The following BCAR3 variants were observed in gnomAD, a reference collection of about 807,000 sequenced individuals.
The protein encoded by BCAR3 is breast cancer anti-estrogen resistance protein 3.
Under a neutral mutation model 80.1 loss-of-function variants are expected in BCAR3, and 37 were observed. The observed-to-expected ratio is 0.46, with a 90% confidence interval of 0.36 to 0.61. The LOEUF is 0.61. BCAR3 is among the 20% of genes least tolerant of loss of function. The pLI is 0.00. For missense variants in BCAR3, 978 were observed against 1,068.2 expected (o/e 0.92, Z 1.18); for synonymous variants, 389 against 418.9 (o/e 0.93, Z 0.87).
chr1:93,727,269 A>G (rs183075076), intron 2 of BCAR3, among the ~76,000 whole-genome samples: 2 of 152,296 alleles, frequency 1.3e-5, no homozygotes, highest in African/African-American at 4.8e-5. Flanking sequence ...AGGTCCCTGG[A>G]TTTAATGTGG....
chr1:93,592,568 C>A lies in BCAR3; in HGVS notation c.358-175G>T. On this transcript the variant is annotated intron_variant, in intron 3 of 11. Transcript: ENST00000260502. This position sits in a 1 kb window ranked among gnomAD's most constrained non-coding sequence, Gnocchi z 4.8. ...TGACCTTTCGTTTCTCCGGCCGCAA[C>A]CATGTAATAAAATTTTCACCTGCAC... 1.2e-6 allele frequency: 1 copy of A among 837,560 alleles called. No homozygotes were observed. The allele number at this position is 837,560 out of a possible 1,614,324, so 51.9% of individuals were successfully genotyped here.
chr1:93,682,250 G>T (rs1178587541), upstream of BCAR3, among the ~76,000 whole-genome samples: 1 of 152,204 alleles, frequency 6.6e-6, no homozygotes, highest in African/African-American at 2.4e-5. Context: ...TCGTATGGAC[G>T]TATTGAAAGC....
chr1:93,580,126 T>A (rs1481787758), intron 7 of BCAR3, among the ~76,000 whole-genome samples: 2 of 152,134 alleles, frequency 1.3e-5, no homozygotes, highest in Admixed American at 6.5e-5. Context: ...GAGTCATCCC[T>A]CAAGTTCTGT....
chr1:93,605,094 G>A lies in BCAR3; in HGVS notation c.358-12701C>T, dbSNP rs115376313. ...ATCTTGCCACGCTGAAAGCCCTGGC[G>A]GGTACCTTCCGTCTAGATCAAATTT... On this transcript the variant is annotated intron_variant, in intron 3 of 11. Transcript: ENST00000260502. Among the ~76,000 whole-genome samples the A allele has an allele frequency of 8.2e-3, 1,249 of 152,262 alleles. 20 individuals carry two copies. Among genetic ancestry groups the A allele is most frequent in the African/African-American group, 0.029 (1,186 of 41,546 alleles).
At chr1:93,589,565 A>G in intron 4 of BCAR3, 146 bp from the exon 5 acceptor site, 1 of 732,226 alleles carries the variant, frequency 1.4e-6, no homozygotes, top group Non-Finnish European at 2.2e-6. Context: ...TCAAAGATCA[A>G]ATTCATAGAA....
chr1:93,766,983 G>A (rs987612132), intron 2 of BCAR3, among the ~76,000 whole-genome samples: 9 of 152,182 alleles, frequency 5.9e-5, no homozygotes, highest in South Asian at 2.1e-4. Context: ...TGAGGGTGGG[G>A]AGCAGGGCAG....
At chr1:93,661,089 G>T (rs1571018681) in intron 2 of BCAR3, among the ~76,000 whole-genome samples, 1 of 151,686 alleles carries the variant, frequency 6.6e-6, no homozygotes, top group Non-Finnish European at 1.5e-5. Flanking sequence ...GCCCAGGCTG[G>T]AGTGCAATGG....
intron 2 of BCAR3, among the ~76,000 whole-genome samples, chr1:93,820,729 CA>C (rs895474394): frequency 9.9e-5 from 15 of 152,236 alleles, no homozygotes; most frequent in African/African-American, 3.6e-4. Context: ...TTGATTAAAT[CA>C]GGGGGCATTG....
chr1:93,564,114 G>C (rs1672821723), intron 11 of BCAR3, among the ~76,000 whole-genome samples: 1 of 151,496 alleles, frequency 6.6e-6, no homozygotes, highest in African/African-American at 2.4e-5. Context: ...GTTGTCATTT[G>C]TATGCCTTCT....
At chr1:93,737,754 G>C (rs79542000) in intron 2 of BCAR3, among the ~76,000 whole-genome samples, 2 of 152,332 alleles carry the variant, frequency 1.3e-5, no homozygotes, top group Non-Finnish European at 2.9e-5. Context: ...TGGAGAAAGA[G>C]TGAGGTATGA....
intron 2 of BCAR3, among the ~76,000 whole-genome samples, chr1:93,736,467 G>A (rs908705401): frequency 2.0e-5 from 3 of 152,216 alleles, no homozygotes; most frequent in Non-Finnish European, 4.4e-5. Context: ...GATTACAGGC[G>A]TGAGCCACCG....
At chr1:93,775,201 C>T (rs61781057) in intron 2 of BCAR3, 9,743 of 152,284 alleles carry the variant, frequency 0.064, 365 homozygotes, top group South Asian at 0.093. Context: ...ACTTACCTAA[C>T]GACCAGAGGC....
At chr1:93,783,437 T>C (rs545929147) in intron 2 of BCAR3, among the ~76,000 whole-genome samples, 1 of 152,308 alleles carries the variant, frequency 6.6e-6, no homozygotes, top group Admixed American at 6.5e-5. Context: ...ATGTGCAAAG[T>C]TCTATGAGAA....
intron 2 of BCAR3, among the ~76,000 whole-genome samples, chr1:93,798,046 C>T (rs12135187): frequency 0.14 from 21,500 of 152,140 alleles, 2,473 homozygotes; most frequent in African/African-American, 0.31. Flanking sequence ...ACATTTAGCA[C>T]AAACCTTATG....
At chr1:93,818,774 G>A (rs896849431) in intron 2 of BCAR3, among the ~76,000 whole-genome samples, 3 of 152,154 alleles carry the variant, frequency 2.0e-5, no homozygotes, top group African/African-American at 7.2e-5. Context: ...TCAGAGAGTG[G>A]TAAGTGCTGT....
At chr1:93,768,784 G>C (rs1255866784) in intron 2 of BCAR3, among the ~76,000 whole-genome samples, 3 of 152,176 alleles carry the variant, frequency 2.0e-5, no homozygotes, top group Non-Finnish European at 2.9e-5. Context: ...TAAGGTATCT[G>C]GCAGCCTGTA....
At chr1:93,614,413 A>AGTT (rs1323769691) in intron 3 of BCAR3, among the ~76,000 whole-genome samples, 1 of 152,044 alleles carries the variant, frequency 6.6e-6, no homozygotes, top group Non-Finnish European at 1.5e-5. Flanking sequence ...AAGCAGGGTA[A>AGTT]GTTGTACATT....
chr1:93,682,116 C>T (rs1648810529), upstream of BCAR3, among the ~76,000 whole-genome samples: 1 of 152,214 alleles, frequency 6.6e-6, no homozygotes, highest in Non-Finnish European at 1.5e-5. Flanking sequence ...ATTTAATTAC[C>T]CAACAGATCT....
chr1:93,570,929 C>T (rs1255570512), intron 9 of BCAR3, among the ~76,000 whole-genome samples: 8 of 152,232 alleles, frequency 5.3e-5, no homozygotes, highest in African/African-American at 1.4e-4. Flanking sequence ...AGAGGCTGGG[C>T]GTGGTGCTTC....
Sources: allele counts gnomAD v4.1 joint callset (sites outside exome capture counted in the v4.1 genomes callset), GRCh38; gene constraint gnomAD v4.1.1; non-coding constraint Gnocchi (gnomAD v3.1); transcripts MANE v1.5; gene names NCBI Gene and HGNC (gene_info 2026-07-23, HGNC 2026-07-21).